Variants in RIMS2 observed in about 807,000 individuals in gnomAD.
RIMS2 encodes the protein regulating synaptic membrane exocytosis protein 2.
RIMS2 carries 59 observed loss-of-function variants against 174.4 expected under a neutral mutation model. That is an observed-to-expected ratio of 0.34 (90% confidence interval 0.27 to 0.42). The LOEUF is 0.42. Among genes scored for constraint, RIMS2 ranks in the 10% least tolerant of loss-of-function variants. The pLI is 1.00. For missense variants in RIMS2, 1,620 were observed against 1,666.3 expected (o/e 0.97, Z 0.48); for synonymous variants, 606 against 572.5 (o/e 1.06, Z -0.84).
intron 1 of RIMS2, among the ~76,000 whole-genome samples, chr8:103,685,859 A>T (rs927098060): frequency 1.6e-4 from 24 of 152,232 alleles, no homozygotes; most frequent in African/African-American, 5.1e-4. Context: ...AATTTTTATT[A>T]AAAAAATGCT....
intron 3 of RIMS2, among the ~76,000 whole-genome samples, chr8:103,823,267 T>C (rs7818306): frequency 0.16 from 23,886 of 151,880 alleles, 1,990 homozygotes; most frequent in Middle Eastern, 0.24. Flanking sequence ...ATGAGATATG[T>C]AGACTTTCAT....
At chr8:103,840,205 AT>A (rs1487337297) in intron 3 of RIMS2, among the ~76,000 whole-genome samples, 3 of 152,200 alleles carry the variant, frequency 2.0e-5, no homozygotes, top group East Asian at 3.9e-4. Flanking sequence ...ATAAACATTC[AT>A]GAACATACCC....
chr8:103,844,918 T>C lies in RIMS2; in HGVS notation c.699-40380T>C, dbSNP rs549038155. Among the ~76,000 whole-genome samples, 170 of 152,242 alleles carry C rather than the reference T, an allele frequency of 1.1e-3. 1 individual carries two copies. Among genetic ancestry groups the C allele is most frequent in the Non-Finnish European group, 1.8e-3 (124 of 67,972 alleles). Reference sequence around the variant, plus strand: ...TAAAGAGAATATTACTTTATTGACTTGGTTGCATTTTGAAATCCTTTTCAA... The same window carrying C: ...TAAAGAGAATATTACTTTATTGACTCGGTTGCATTTTGAAATCCTTTTCAA... On this transcript the variant is annotated intron_variant, in intron 3 of 23. Coordinates refer to ENST00000504942, the Ensembl canonical transcript of RIMS2.
chr8:103,579,794 C>A (rs1023118832), intron 1 of RIMS2, among the ~76,000 whole-genome samples: 26 of 152,142 alleles, frequency 1.7e-4, no homozygotes, highest in Admixed American at 3.9e-4. Flanking sequence ...AATAATGACT[C>A]ACAGTTCTGC....
chr8:103,608,005 A>G (rs1435506793), intron 1 of RIMS2, among the ~76,000 whole-genome samples: 1 of 147,874 alleles, frequency 6.8e-6, no homozygotes, highest in Non-Finnish European at 1.5e-5. Context: ...TCAGCTCGTC[A>G]AAGTCATTCT....
intron 19 of RIMS2, among the ~76,000 whole-genome samples, chr8:104,213,400 A>G (rs1273886029): frequency 6.6e-6 from 1 of 152,186 alleles, no homozygotes; most frequent in Non-Finnish European, 1.5e-5. Flanking sequence ...GTTTTCTTTC[A>G]TGGTACTTAA....
intron 1 of RIMS2, among the ~76,000 whole-genome samples, chr8:103,610,386 A>G (rs761802203): frequency 6.6e-6 from 1 of 152,152 alleles, no homozygotes; most frequent in East Asian, 1.9e-4. Context: ...GAGTGGTGAT[A>G]GAGGGCATCC....
intron 1 of RIMS2, among the ~76,000 whole-genome samples, chr8:103,637,163 A>AC: frequency 6.6e-6 from 1 of 152,274 alleles, no homozygotes; most frequent in Admixed American, 6.5e-5. Flanking sequence ...CCTTTCTATG[A>AC]ACAAAAGGCA....
chr8:104,202,986 A>G (rs562208212), intron 19 of RIMS2, among the ~76,000 whole-genome samples: 29 of 152,322 alleles, frequency 1.9e-4, no homozygotes, highest in South Asian at 1.2e-3. Context: ...TGTTTCCTAA[A>G]TATTTAGAAG....
chr8:103,727,056 T>G (rs2097535474), intron 2 of RIMS2, among the ~76,000 whole-genome samples: 1 of 151,808 alleles, frequency 6.6e-6, no homozygotes, highest in Non-Finnish European at 1.5e-5. Context: ...TATTTCTTAA[T>G]AATTTTAAAA....
At chr8:103,936,505 AC>A in intron 12 of RIMS2, 45 bp from the exon 15 acceptor site, 1 of 1,299,076 alleles carries the variant, frequency 7.7e-7, no homozygotes, top group Non-Finnish European at 1.0e-6. Flanking sequence ...TTAGGACAAA[AC>A]TTATAGTTCT....
At chr8:104,153,839 T>C (rs2098705047) in intron 19 of RIMS2, among the ~76,000 whole-genome samples, 1 of 152,132 alleles carries the variant, frequency 6.6e-6, no homozygotes, top group Non-Finnish European at 1.5e-5. Context: ...GAAGAAAATA[T>C]TTTAAGAAGC....
intron 3 of RIMS2, among the ~76,000 whole-genome samples, chr8:103,817,945 T>C (rs994250043): frequency 1.3e-5 from 2 of 151,990 alleles, no homozygotes; most frequent in Non-Finnish European, 2.9e-5. Flanking sequence ...GTATGTGTGT[T>C]TGACAAATAG....
At chr8:103,696,874 A>AC (rs2097109077) in intron 1 of RIMS2, among the ~76,000 whole-genome samples, 1 of 151,050 alleles carries the variant, frequency 6.6e-6, no homozygotes, top group African/African-American at 2.4e-5. Context: ...AAAAAAAAAA[A>AC]AAAAAAAAAA....
intron 3 of RIMS2, among the ~76,000 whole-genome samples, chr8:103,863,053 G>A (rs2099066710): frequency 6.6e-6 from 1 of 152,060 alleles, no homozygotes; most frequent in Admixed American, 6.6e-5. Flanking sequence ...GCTTCTTAGG[G>A]AGAATGCTTT....
chr8:103,732,135 T>A (rs1313535259), intron 2 of RIMS2, among the ~76,000 whole-genome samples: 4 of 152,238 alleles, frequency 2.6e-5, no homozygotes, highest in Non-Finnish European at 4.4e-5. Context: ...TTTTGGTCAC[T>A]GTAGCCATAT....
At chr8:103,836,458 A>G (rs917414395) in intron 3 of RIMS2, among the ~76,000 whole-genome samples, 1 of 152,172 alleles carries the variant, frequency 6.6e-6, no homozygotes, top group African/African-American at 2.4e-5. Context: ...GCTGCTTGGG[A>G]GGCGGATGCA....
intron 13 of RIMS2, among the ~76,000 whole-genome samples, chr8:103,939,714 T>C (rs2154537215): frequency 6.6e-6 from 1 of 152,330 alleles, no homozygotes; most frequent in Non-Finnish European, 1.5e-5. Flanking sequence ...CTTATAAAAC[T>C]AAATGCCTTT....
chr8:103,609,584 T>C (rs892984608), intron 1 of RIMS2, among the ~76,000 whole-genome samples: 1 of 152,216 alleles, frequency 6.6e-6, no homozygotes, highest in Non-Finnish European at 1.5e-5. Context: ...CTATAGTCAG[T>C]TATCCCAGCA....
Sources: allele counts gnomAD v4.1 joint callset (sites outside exome capture counted in the v4.1 genomes callset), GRCh38; gene constraint gnomAD v4.1.1; transcripts MANE v1.5; gene names NCBI Gene and HGNC (gene_info 2026-07-23, HGNC 2026-07-21).